The following SUPT3H variants were observed in gnomAD, a reference collection of about 807,000 sequenced individuals.
The protein encoded by SUPT3H is SPT3 homolog, SAGA and STAGA complex component, also known as transcription initiation protein SPT3 homolog.
SUPT3H carries 44 observed loss-of-function variants against 44.3 expected under a neutral mutation model. The ratio of observed to expected loss-of-function variants is 0.99; its 90% CI spans 0.78 to 1.28. The LOEUF (loss-of-function observed/expected upper bound fraction) is 1.28. Among genes scored for constraint, SUPT3H ranks in the 50% most tolerant of loss-of-function variants. The probability of loss-of-function intolerance (pLI) is 0.00; values close to 1 mark genes in which losing one functional copy is unlikely to be tolerated. For synonymous variants in SUPT3H, 124 were observed against 125.6 expected, an observed-to-expected ratio of 0.99 and a Z score of 0.09; for missense variants, 380 against 387.1, an observed-to-expected ratio of 0.98 and a Z score of 0.15.
intron 10 of SUPT3H, among the ~76,000 whole-genome samples, chr6:44,914,206 T>C (rs1767478780): frequency 2.0e-5 from 3 of 152,316 alleles, no homozygotes; most frequent in Middle Eastern, 3.4e-3. Context: ...AAAAGCCACT[T>C]TTGCAAAATG....
At chr6:45,047,681 T>C (rs894733381) in intron 3 of SUPT3H, among the ~76,000 whole-genome samples, 4 of 152,186 alleles carry the variant, frequency 2.6e-5, no homozygotes, top group Admixed American at 6.5e-5. Flanking sequence ...CTATTTTCCA[T>C]ATGGCTGTAC....
chr6:45,052,109 G>C (rs1583266482), intron 3 of SUPT3H, among the ~76,000 whole-genome samples: 1 of 152,176 alleles, frequency 6.6e-6, no homozygotes, highest in East Asian at 1.9e-4. Flanking sequence ...TAGGTATTTG[G>C]CAGTATTGTC....
chr6:45,281,158 A>T (rs1001725877), intron 2 of SUPT3H, among the ~76,000 whole-genome samples: 1 of 152,266 alleles, frequency 6.6e-6, no homozygotes, highest in African/African-American at 2.4e-5. Context: ...TACAGCTCCC[A>T]GCATGAGCAA....
At chr6:45,355,894 C>T (rs982442571) in intron 2 of SUPT3H, among the ~76,000 whole-genome samples, 3 of 152,064 alleles carry the variant, frequency 2.0e-5, no homozygotes, top group Non-Finnish European at 2.9e-5. Flanking sequence ...CCAGGCCAAC[C>T]CCAAAAATTT....
At chr6:45,298,259 A>G (rs1781600758) in intron 2 of SUPT3H, among the ~76,000 whole-genome samples, 1 of 152,242 alleles carries the variant, frequency 6.6e-6, no homozygotes, top group South Asian at 2.1e-4. Flanking sequence ...TGACAGTGCC[A>G]TTAAGAAATT....
intron 10 of SUPT3H, among the ~76,000 whole-genome samples, chr6:44,866,505 T>A (rs1775532046): frequency 7.7e-6 from 1 of 130,264 alleles, no homozygotes. Context: ...ATATATATAT[T>A]GAGATCCATC....
At chr6:45,148,666 C>A (rs1474450188) in intron 2 of SUPT3H, among the ~76,000 whole-genome samples, 1 of 152,168 alleles carries the variant, frequency 6.6e-6, no homozygotes. Context: ...CATCACTTCA[C>A]AACTCACAAG....
intron 3 of SUPT3H, among the ~76,000 whole-genome samples, chr6:45,023,627 C>T (rs920627470): frequency 6.6e-6 from 1 of 152,102 alleles, no homozygotes; most frequent in Non-Finnish European, 1.5e-5. Flanking sequence ...TTTGTGGGAA[C>T]ATGGATGGAG....
At chr6:44,879,227 G>A (rs577801718) in intron 10 of SUPT3H, among the ~76,000 whole-genome samples, 59 of 152,242 alleles carry the variant, frequency 3.9e-4, no homozygotes, top group African/African-American at 1.4e-3. Context: ...TGGGACATTC[G>A]AGCTTGGTGG....
chr6:45,148,568 C>T (rs1352247926), intron 2 of SUPT3H, among the ~76,000 whole-genome samples: 1 of 152,128 alleles, frequency 6.6e-6, no homozygotes, highest in Non-Finnish European at 1.5e-5. Context: ...CATTAACCAG[C>T]TATCTCAGTT....
At chr6:45,111,539 C>CCCCCCAA (rs1800066126) in intron 2 of SUPT3H, among the ~76,000 whole-genome samples, 2 of 142,340 alleles carry the variant, frequency 1.4e-5, no homozygotes, top group Admixed American at 7.1e-5. Flanking sequence ...CTCCCCCCCG[C>CCCCCCAA]AAAAAAAACA....
At position 45,180,283 on chromosome 6, in the gene SUPT3H, C is replaced by A. The variant is rs1428795285; in HGVS notation, c.102-74277G>T. 2.0e-5 allele frequency among the ~76,000 whole-genome samples: 3 copies of A among 146,744 alleles called. No individual in the cohort carries two copies. In the East Asian group the frequency reaches 5.9e-4, roughly 29 times the overall value. ...GGAAGAATCAATATCGTGAAAATGGCCATACTGCCCAAGGTAATTTATAGA... is the reference window on the plus strand; with the variant it reads ...GGAAGAATCAATATCGTGAAAATGGACATACTGCCCAAGGTAATTTATAGA... On this transcript the variant is annotated intron_variant, in intron 2 of 10. Transcript: ENST00000371459.
intron 2 of SUPT3H, among the ~76,000 whole-genome samples, chr6:45,280,644 G>A (rs544613529): frequency 1.6e-4 from 25 of 152,096 alleles, no homozygotes; most frequent in African/African-American, 4.6e-4. Flanking sequence ...TTCAGAACAC[G>A]TGAGGATTAT....
chr6:45,230,491 T>A (rs1767757576), intron 2 of SUPT3H, among the ~76,000 whole-genome samples: 1 of 151,390 alleles, frequency 6.6e-6, no homozygotes, highest in South Asian at 2.1e-4. Flanking sequence ...CTTTGTCTTT[T>A]TTTATGGGTT....
chr6:45,233,643 G>A (rs983878062), intron 2 of SUPT3H, among the ~76,000 whole-genome samples: 42 of 152,152 alleles, frequency 2.8e-4, no homozygotes, highest in African/African-American at 8.4e-4. Flanking sequence ...CTTCTGTGCC[G>A]CAGATGTTTC....
chr6:45,015,360 A>G (rs1784087109), intron 4 of SUPT3H, among the ~76,000 whole-genome samples: 1 of 152,122 alleles, frequency 6.6e-6, no homozygotes, highest in Non-Finnish European at 1.5e-5. Context: ...ATTAGTTAAA[A>G]TACCATGTAA....
chr6:44,895,267 T>C (rs973901010), intron 10 of SUPT3H, among the ~76,000 whole-genome samples: 1 of 151,144 alleles, frequency 6.6e-6, no homozygotes, highest in African/African-American at 2.4e-5. Context: ...TTTTTTTTTT[T>C]TTTTTTTTAA....
At chr6:45,339,863 G>A (rs1171471018) in intron 2 of SUPT3H, among the ~76,000 whole-genome samples, 1 of 151,998 alleles carries the variant, frequency 6.6e-6, no homozygotes. Context: ...TACTTTGTTA[G>A]CTTTCATTGT....
chr6:45,237,673 A>T (rs1385429450), intron 2 of SUPT3H, among the ~76,000 whole-genome samples: 1 of 152,214 alleles, frequency 6.6e-6, no homozygotes, highest in East Asian at 1.9e-4. Context: ...TGGTTAACAG[A>T]TAAGCCAATT....
Sources: gnomAD v4.1 joint callset for allele counts (sites outside exome capture counted in the v4.1 genomes callset) on GRCh38, gnomAD v4.1.1 for gene constraint, MANE v1.5 for transcripts, NCBI Gene and HGNC (gene_info 2026-07-23, HGNC 2026-07-21) for gene names.